UBAP1: variants seen among roughly 807,000 people sequenced by gnomAD.
UBAP1 encodes ubiquitin-associated protein 1.
In UBAP1, 5 loss-of-function variants were observed where a neutral mutation model predicts 39.0. The ratio of observed to expected loss-of-function variants is 0.13; its 90% CI spans 0.07 to 0.27. UBAP1 has a LOEUF of 0.27. UBAP1 is among the 10% of genes least tolerant of loss of function. The pLI, the probability that UBAP1 is intolerant of heterozygous loss-of-function variation, is 1.00. For missense variants in UBAP1, 490 were observed against 608.1 expected (o/e 0.81, Z 2.04); for synonymous variants, 211 against 225.1 (o/e 0.94, Z 0.56).
intron 4 of UBAP1, among the ~76,000 whole-genome samples, chr9:34,248,454 C>T (rs1285534416): frequency 6.6e-6 from 1 of 152,216 alleles, no homozygotes; most frequent in African/African-American, 2.4e-5. Flanking sequence ...TGACTCCTTC[C>T]TGGCTGGGGA....
chr9:34,235,997 A>G (rs1371108726), intron 3 of UBAP1, among the ~76,000 whole-genome samples: 1 of 151,830 alleles, frequency 6.6e-6, no homozygotes, highest in Non-Finnish European at 1.5e-5. Flanking sequence ...AGTAGCTGGG[A>G]TTACAGGTGT....
At chr9:34,232,727 C>T (rs989551801) in intron 2 of UBAP1, among the ~76,000 whole-genome samples, 2 of 152,204 alleles carry the variant, frequency 1.3e-5, no homozygotes, top group Non-Finnish European at 2.9e-5. Context: ...GGAAAGAAGT[C>T]ATCTTCATGG....
intron 1 of UBAP1, among the ~76,000 whole-genome samples, chr9:34,199,348 C>T (rs559861915): frequency 6.6e-6 from 1 of 152,344 alleles, no homozygotes; most frequent in South Asian, 2.1e-4. Context: ...GCTGGGATTA[C>T]AGGCATGAGC....
intron 1 of UBAP1, among the ~76,000 whole-genome samples, chr9:34,185,083 T>C (rs1420086535): frequency 1.3e-5 from 2 of 151,948 alleles, no homozygotes; most frequent in South Asian, 2.1e-4. Flanking sequence ...TACAGGCGCC[T>C]GCCACCACGC....
At chr9:34,226,790 GTCTT>G (rs1300683437) in intron 2 of UBAP1, among the ~76,000 whole-genome samples, 1 of 151,784 alleles carries the variant, frequency 6.6e-6, no homozygotes, top group Non-Finnish European at 1.5e-5. Flanking sequence ...CAAGTCCCAA[GTCTT>G]TCTTATGCTG....
chr9:34,202,166 T>C (rs926944954), intron 1 of UBAP1, among the ~76,000 whole-genome samples: 53 of 151,822 alleles, frequency 3.5e-4, no homozygotes, highest in Admixed American at 1.5e-3. Flanking sequence ...AGAGTGGGAG[T>C]CTCCGTCTTT....
intron 1 of UBAP1, among the ~76,000 whole-genome samples, chr9:34,181,544 T>A (rs929922001): frequency 6.6e-6 from 1 of 151,398 alleles, no homozygotes; most frequent in Non-Finnish European, 1.5e-5. Flanking sequence ...GCCATTCTCC[T>A]GCCTCAGCCT....
intron 2 of UBAP1, among the ~76,000 whole-genome samples, chr9:34,229,632 G>A (rs1833302565): frequency 6.6e-6 from 1 of 151,574 alleles, no homozygotes; most frequent in African/African-American, 2.4e-5. Flanking sequence ...CTGACTCCCT[G>A]GTTCAAGAGA....
At chr9:34,187,526 C>A (rs773444923) in intron 1 of UBAP1, among the ~76,000 whole-genome samples, 1 of 152,098 alleles carries the variant, frequency 6.6e-6, no homozygotes, top group East Asian at 1.9e-4. Flanking sequence ...GACAATGAGA[C>A]CTTTCTTTGT....
intron 1 of UBAP1, among the ~76,000 whole-genome samples, chr9:34,217,424 C>T (rs758402542): frequency 3.2e-4 from 49 of 152,164 alleles, no homozygotes; most frequent in Non-Finnish European, 5.9e-4. Flanking sequence ...TTTGTAGATA[C>T]TGGGTTTCAC....
chr9:34,225,732 A>T (rs559548398), intron 2 of UBAP1, among the ~76,000 whole-genome samples: 21 of 150,200 alleles, frequency 1.4e-4, no homozygotes, highest in Non-Finnish European at 2.5e-4. Context: ...GTGAGCCGAG[A>T]TCACACCACT....
At chr9:34,215,253 G>C (rs1393318805) in intron 1 of UBAP1, among the ~76,000 whole-genome samples, 1 of 151,950 alleles carries the variant, frequency 6.6e-6, no homozygotes, top group Non-Finnish European at 1.5e-5. Flanking sequence ...ATAAACTGCT[G>C]TGTGTATATA....
At position 34,179,228 on chromosome 9, in the gene UBAP1, C is replaced by T. The variant is rs1199286777; in HGVS notation, c.-20C>T. 4.9e-6 allele frequency: 6 copies of T among 1,221,506 alleles called. No individual in the cohort carries two copies. The Admixed American group carries it at 1.4e-4, about 28-fold the overall frequency. The allele number at this position is 1,221,506 out of a possible 1,614,324, so 75.7% of individuals were successfully genotyped here. On this transcript the variant is annotated 5_prime_UTR_variant, in exon 1 of 7. Transcript: ENST00000297661. ...CTTTCGGCTTCTGAGACGGCGGCAGCAGCGGCATTCAGGTGAGGGGGGCCT... is the reference window on the plus strand; with the variant it reads ...CTTTCGGCTTCTGAGACGGCGGCAGTAGCGGCATTCAGGTGAGGGGGGCCT...
intron 3 of UBAP1, among the ~76,000 whole-genome samples, chr9:34,239,775 G>T (rs2131617455): frequency 6.6e-6 from 1 of 152,196 alleles, no homozygotes; most frequent in South Asian, 2.1e-4. Context: ...GTTAAATAAT[G>T]CATTTATAAT....
At chr9:34,245,602 C>T (rs1232549961) in intron 4 of UBAP1, among the ~76,000 whole-genome samples, 1 of 15,546 alleles carries the variant, frequency 6.4e-5, no homozygotes, top group Admixed American at 5.8e-4. Flanking sequence ...CCTCTTTGGT[C>T]TCTGGTTCCC....
chr9:34,189,094 A>G (rs139358835), intron 1 of UBAP1, among the ~76,000 whole-genome samples: 2 of 152,002 alleles, frequency 1.3e-5, no homozygotes, highest in Non-Finnish European at 1.5e-5. Flanking sequence ...AAATCTTTCT[A>G]TAGTTTGGGA....
chr9:34,231,512 A>C (rs572765261), intron 2 of UBAP1, among the ~76,000 whole-genome samples: 138 of 152,062 alleles, frequency 9.1e-4, no homozygotes, highest in Admixed American at 2.7e-3. Flanking sequence ...CCCGGCCAAA[A>C]GCATGTCTTT....
chr9:34,212,442 AT>A (rs1832071541), intron 1 of UBAP1, among the ~76,000 whole-genome samples: 1 of 84,180 alleles, frequency 1.2e-5, no homozygotes, highest in Non-Finnish European at 3.2e-5. Flanking sequence ...GTTATTTTCT[AT>A]TTATTATATG....
At chr9:34,227,190 T>C (rs1833152130) in intron 2 of UBAP1, among the ~76,000 whole-genome samples, 1 of 152,216 alleles carries the variant, frequency 6.6e-6, no homozygotes, top group Admixed American at 6.5e-5. Flanking sequence ...AGGATATGAG[T>C]AACATTTTCT....
Sources: gnomAD v4.1 joint callset for allele counts (sites outside exome capture counted in the v4.1 genomes callset) on GRCh38, gnomAD v4.1.1 for gene constraint, MANE v1.5 for transcripts, NCBI Gene and HGNC (gene_info 2026-07-23, HGNC 2026-07-21) for gene names.